Variants in CADPS observed in about 807,000 individuals in gnomAD.
CADPS encodes the protein calcium dependent secretion activator, also known as calcium-dependent secretion activator 1.
CADPS carries 57 observed loss-of-function variants against 167.3 expected under a neutral mutation model. The ratio of observed to expected loss-of-function variants is 0.34; its 90% CI spans 0.28 to 0.42. CADPS has a LOEUF of 0.42. Ranked by LOEUF, CADPS falls within the 20% of genes least tolerant of loss-of-function variation. The pLI, the probability that CADPS is intolerant of heterozygous loss-of-function variation, is 1.00. For synonymous variants in CADPS, 676 were observed against 635.3 expected (o/e 1.06, Z -0.96); for missense variants, 1,414 against 1,738.1 (o/e 0.81, Z 3.32).
In CADPS at chr3:62,401,923, A is replaced by G. The variant is rs572993423; in HGVS notation, c.3882+1158T>C. ...TAAGGGTCAAACAGACAATTTCCCCAAAGTGCATTTATGCACAGAAAATGG... is the reference window on the plus strand; with the variant it reads ...TAAGGGTCAAACAGACAATTTCCCCGAAGTGCATTTATGCACAGAAAATGG... On this transcript the variant is annotated intron_variant, in intron 29 of 29. Coordinates refer to ENST00000383710, the MANE Select transcript of CADPS (RefSeq NM_003716.4). Among the ~76,000 whole-genome samples the G allele has an allele frequency of 5.9e-4, 90 of 152,308 alleles. 1 individual carries two copies. Among genetic ancestry groups the G allele is most frequent in the Middle Eastern group, 6.8e-3 (2 of 294 alleles).
At chr3:62,712,180 G>A (rs987302377) in intron 3 of CADPS, among the ~76,000 whole-genome samples, 3 of 151,736 alleles carry the variant, frequency 2.0e-5, no homozygotes, top group African/African-American at 7.3e-5. Context: ...ATATTTCTTT[G>A]ATCACACATA....
chr3:62,507,522 A>T (rs1380764112), intron 17 of CADPS, among the ~76,000 whole-genome samples: 1 of 152,144 alleles, frequency 6.6e-6, no homozygotes, highest in Non-Finnish European at 1.5e-5. Flanking sequence ...TATTTAACAA[A>T]TATATATGGA....
chr3:62,817,995 A>G (rs2094707613), intron 1 of CADPS, among the ~76,000 whole-genome samples: 1 of 152,206 alleles, frequency 6.6e-6, no homozygotes, highest in Non-Finnish European at 1.5e-5. Flanking sequence ...TGTGGAGCCC[A>G]CATTTGGTTT....
At chr3:62,709,928 C>T (rs2083066733) in intron 3 of CADPS, among the ~76,000 whole-genome samples, 1 of 151,394 alleles carries the variant, frequency 6.6e-6, no homozygotes, top group Non-Finnish European at 1.5e-5. Context: ...TGCCACCACA[C>T]CTGGCTAATT....
At chr3:62,523,904 C>T (rs1044910096) in intron 13 of CADPS, among the ~76,000 whole-genome samples, 2 of 152,204 alleles carry the variant, frequency 1.3e-5, no homozygotes, top group African/African-American at 4.8e-5. Context: ...ATGATGGATC[C>T]ATGAAAATGT....
intron 28 of CADPS, among the ~76,000 whole-genome samples, chr3:62,435,034 C>CAATCTCGG (rs1478032930): frequency 6.6e-6 from 1 of 152,158 alleles, no homozygotes; most frequent in Admixed American, 6.6e-5. Flanking sequence ...AAACAGCAAA[C>CAATCTCGG]AATCTCGGAG....
chr3:62,874,336 G>C lies in CADPS; in HGVS notation c.441+253C>G, dbSNP rs982038229. ...TCGCTCACCAACGCTCCCGGGCTGG[G>C]GGGGCTCGAGCAAGCGGCGCTGCGC... On this transcript the variant is annotated intron_variant, in intron 1 of 29. Coordinates refer to ENST00000383710, the MANE Select transcript of CADPS (RefSeq NM_003716.4). This position sits in a 1 kb window ranked among gnomAD's most constrained non-coding sequence, Gnocchi z 7.1. 1.3e-5 allele frequency among the ~76,000 whole-genome samples: 2 copies of C among 152,178 alleles called. No homozygotes were observed. The highest frequency in any genetic ancestry group is 4.8e-5 in the African/African-American group (2 of 41,460).
At chr3:62,767,494 G>A (rs975994705) in intron 1 of CADPS, among the ~76,000 whole-genome samples, 3 of 152,132 alleles carry the variant, frequency 2.0e-5, no homozygotes, top group African/African-American at 7.2e-5. Context: ...ATAAATCCAA[G>A]TGATTTTACT....
At chr3:62,800,329 G>A (rs1467561822) in intron 1 of CADPS, among the ~76,000 whole-genome samples, 1 of 151,926 alleles carries the variant, frequency 6.6e-6, no homozygotes, top group Non-Finnish European at 1.5e-5. Context: ...TCTTTTGGGT[G>A]AAAAAAATGT....
chr3:62,784,885 T>G (rs1281678838), intron 1 of CADPS, among the ~76,000 whole-genome samples: 1 of 152,188 alleles, frequency 6.6e-6, no homozygotes, highest in African/African-American at 2.4e-5. Flanking sequence ...AGAAAATATT[T>G]GTGAGATCTT....
chr3:62,863,889 A>C (rs1308700581), intron 1 of CADPS, among the ~76,000 whole-genome samples: 1 of 152,204 alleles, frequency 6.6e-6, no homozygotes. Context: ...TTAGAAAATA[A>C]GGGGAAAGAA....
intron 1 of CADPS, among the ~76,000 whole-genome samples, chr3:62,802,023 T>G (rs2093797828): frequency 6.6e-6 from 1 of 152,162 alleles, no homozygotes; most frequent in African/African-American, 2.4e-5. Flanking sequence ...GTGAAGTCTT[T>G]GTGAGGAGAA....
chr3:62,547,595 C>CT (rs1553906245), intron 11 of CADPS, among the ~76,000 whole-genome samples: 1 of 112,582 alleles, frequency 8.9e-6, no homozygotes, highest in Non-Finnish European at 1.9e-5. Flanking sequence ...CGCCCCCCCC[C>CT]CCCCGCAAAT....
intron 1 of CADPS, among the ~76,000 whole-genome samples, chr3:62,768,310 T>C (rs1262697313): frequency 1.3e-5 from 2 of 152,190 alleles, no homozygotes; most frequent in Non-Finnish European, 2.9e-5. Context: ...CAGGATTTCT[T>C]GCTCAGAATT....
At chr3:62,799,115 C>T (rs2093620339) in intron 1 of CADPS, among the ~76,000 whole-genome samples, 1 of 152,124 alleles carries the variant, frequency 6.6e-6, no homozygotes, top group Middle Eastern at 3.2e-3. Flanking sequence ...CTAACTTGCC[C>T]ATGTTCTCCA....
intron 1 of CADPS, among the ~76,000 whole-genome samples, chr3:62,772,336 A>G (rs941019599): frequency 6.6e-6 from 1 of 152,122 alleles, no homozygotes; most frequent in Non-Finnish European, 1.5e-5. Context: ...GCTTGCTATT[A>G]TGGGTGGCCA....
chr3:62,746,775 T>A (rs2081544337), intron 3 of CADPS, among the ~76,000 whole-genome samples: 1 of 152,174 alleles, frequency 6.6e-6, no homozygotes, highest in Non-Finnish European at 1.5e-5. Context: ...AGCTTAGAAG[T>A]GGATCCTTCC....
At chr3:62,571,147 A>T (rs1226667737) in intron 8 of CADPS, among the ~76,000 whole-genome samples, 1 of 152,172 alleles carries the variant, frequency 6.6e-6, no homozygotes, top group Non-Finnish European at 1.5e-5. Flanking sequence ...CTATCATGAG[A>T]CTTAGACTCC....
chr3:62,662,750 T>G (rs1033053593), intron 3 of CADPS, among the ~76,000 whole-genome samples: 1 of 152,158 alleles, frequency 6.6e-6, no homozygotes, highest in African/African-American at 2.4e-5. Flanking sequence ...GACGGCAATA[T>G]AACTATTAGA....
Sources: allele counts gnomAD v4.1 joint callset (sites outside exome capture counted in the v4.1 genomes callset), GRCh38; gene constraint gnomAD v4.1.1; non-coding constraint Gnocchi (gnomAD v3.1); transcripts MANE v1.5; gene names NCBI Gene and HGNC (gene_info 2026-07-23, HGNC 2026-07-21).